Variants in ARL6IP6 observed in about 807,000 individuals in gnomAD.
ARL6IP6 encodes ARF like GTPase 6 interacting protein 6, also known as ADP-ribosylation factor-like protein 6-interacting protein 6.
A neutral mutation model predicts 21.5 loss-of-function variants in ARL6IP6; 22 were observed. The ratio of observed to expected loss-of-function variants is 1.02; its 90% CI spans 0.73 to 1.46. The LOEUF is 1.46. ARL6IP6 is among the 40% of genes most tolerant of loss of function. ARL6IP6 has a pLI of 0.00. For synonymous variants in ARL6IP6, 164 were observed against 125.3 expected (o/e 1.31, Z -2.06); for missense variants, 388 against 299.8 (o/e 1.29, Z -2.17).
At chr2:152,731,079 A>G (rs879641722) in intron 2 of ARL6IP6, among the ~76,000 whole-genome samples, 6 of 152,198 alleles carry the variant, frequency 3.9e-5, no homozygotes, top group Non-Finnish European at 8.8e-5. Context: ...TGTGCATTCA[A>G]GACATATTGT....
At chr2:152,721,221 G>A (rs1303657313) in intron 2 of ARL6IP6, among the ~76,000 whole-genome samples, 2 of 152,098 alleles carry the variant, frequency 1.3e-5, no homozygotes, top group Non-Finnish European at 1.5e-5. Context: ...ATTACCTTCT[G>A]GAAGAGGCTT....
chr2:152,755,158 T>C (rs1010771551), intron 3 of ARL6IP6, among the ~76,000 whole-genome samples: 2 of 152,244 alleles, frequency 1.3e-5, no homozygotes, highest in Non-Finnish European at 2.9e-5. Context: ...TCTTCTGTTA[T>C]GCCTGGCCAG....
intron 2 of ARL6IP6, among the ~76,000 whole-genome samples, chr2:152,726,948 A>G (rs1017440720): frequency 3.3e-5 from 5 of 152,204 alleles, no homozygotes; most frequent in Non-Finnish European, 7.3e-5. Context: ...AGTACATAAC[A>G]TAATTCTTGA....
intron 2 of ARL6IP6, among the ~76,000 whole-genome samples, chr2:152,725,044 C>T (rs1699975493): frequency 6.6e-6 from 1 of 152,100 alleles, no homozygotes; most frequent in South Asian, 2.1e-4. Flanking sequence ...CTCATTGGAC[C>T]ATTTTTCATT....
upstream of ARL6IP6, chr2:152,717,873 G>T (rs1236644050): frequency 2.8e-6 from 3 of 1,059,176 alleles, no homozygotes; most frequent in Non-Finnish European, 3.4e-6. Flanking sequence ...GGGGTAAGCA[G>T]CCTGTAGTGT....
chr2:152,739,311 A>G (rs1266919277), intron 3 of ARL6IP6, among the ~76,000 whole-genome samples: 1 of 152,156 alleles, frequency 6.6e-6, no homozygotes, highest in Non-Finnish European at 1.5e-5. Context: ...AAGAGCACCC[A>G]AGTCAACTCT....
At chr2:152,755,467 A>T (rs1377200821) in intron 3 of ARL6IP6, among the ~76,000 whole-genome samples, 2 of 152,130 alleles carry the variant, frequency 1.3e-5, no homozygotes, top group Non-Finnish European at 2.9e-5. Flanking sequence ...TTCATGTTCC[A>T]TCCTGTACAC....
chr2:152,748,587 T>G (rs1701168715), intron 3 of ARL6IP6, among the ~76,000 whole-genome samples: 1 of 152,242 alleles, frequency 6.6e-6, no homozygotes, highest in Non-Finnish European at 1.5e-5. Context: ...TGCTCATCCC[T>G]TCTCCCTCTG....
At chr2:152,718,427 C>T (rs1003602998), upstream of ARL6IP6, 7 of 692,424 alleles carry the variant, frequency 1.0e-5, no homozygotes, top group Admixed American at 1.3e-4. Flanking sequence ...GGGTCGAGCT[C>T]TGGTCGAAGC....
chr2:152,739,210 C>T (rs1574044433), intron 3 of ARL6IP6, among the ~76,000 whole-genome samples: 1 of 152,138 alleles, frequency 6.6e-6, no homozygotes, highest in Non-Finnish European at 1.5e-5. Context: ...TGGTCTCGAT[C>T]TCCTGACCTC....
At chr2:152,721,777 T>C (rs1354346574) in intron 2 of ARL6IP6, among the ~76,000 whole-genome samples, 4 of 152,342 alleles carry the variant, frequency 2.6e-5, no homozygotes, top group South Asian at 4.1e-4. Flanking sequence ...AAGTATAGTG[T>C]ACCTTATTTC....
At chr2:152,732,709 C>T in intron 2 of ARL6IP6, 1 of 270,336 alleles carries the variant, frequency 3.7e-6, no homozygotes, top group Non-Finnish European at 7.3e-6. Context: ...TTCCAGGACC[C>T]CCTCTGGATA....
intron 3 of ARL6IP6, among the ~76,000 whole-genome samples, chr2:152,736,456 T>G (rs1382828689): frequency 6.6e-6 from 1 of 152,222 alleles, no homozygotes; most frequent in Non-Finnish European, 1.5e-5. Context: ...GCCATCAATA[T>G]CCACCCATTT....
intron 1 of ARL6IP6, chr2:152,719,942 G>T (rs1447268212): frequency 8.4e-6 from 3 of 356,956 alleles, no homozygotes; most frequent in South Asian, 5.0e-5. Context: ...ACCTTACAAT[G>T]CTTGATTTTC....
chr2:152,720,345 C>G (rs1699723612), intron 1 of ARL6IP6, 188 bp from the exon 2 acceptor site: 1 of 624,836 alleles, frequency 1.6e-6, no homozygotes, highest in Non-Finnish European at 2.9e-6. Context: ...GCTGTTGGCT[C>G]CCTTAGTGGT....
chr2:152,749,284 G>A lies in ARL6IP6; in HGVS notation c.588-10463G>A, dbSNP rs116489348. ...AAAAGAAGTCGTTATGTAGGAAGAGGGTAATATCAAGCAGAAACACACACA... is the reference window on the plus strand; with the variant it reads ...AAAAGAAGTCGTTATGTAGGAAGAGAGTAATATCAAGCAGAAACACACACA... On this transcript the variant is annotated intron_variant, in intron 3 of 3. Coordinates refer to ENST00000326446, the MANE Select transcript of ARL6IP6 (RefSeq NM_152522.7). 8.1e-3 allele frequency among the ~76,000 whole-genome samples: 1,196 copies of A among 147,888 alleles called. 4 individuals are homozygous for A. Among genetic ancestry groups the A allele is most frequent in the South Asian group, 0.019 (86 of 4,644 alleles).
intron 3 of ARL6IP6, among the ~76,000 whole-genome samples, chr2:152,744,126 G>A (rs552955160): frequency 1.3e-5 from 2 of 152,168 alleles, no homozygotes; most frequent in Non-Finnish European, 2.9e-5. Flanking sequence ...CTATGTTTAT[G>A]CTAAAAATAT....
intron 3 of ARL6IP6, among the ~76,000 whole-genome samples, chr2:152,747,823 G>A (rs1163626604): frequency 6.6e-6 from 1 of 151,950 alleles, no homozygotes; most frequent in Admixed American, 6.6e-5. Context: ...CACCCGCCTT[G>A]GCCTCCCAAA....
rs182275100 is a variant in ARL6IP6 at position 152,761,688 on chromosome 2, A to G, written c.*1848A>G. Among the ~76,000 whole-genome samples the G allele has an allele frequency of 5.2e-3, 793 of 152,244 alleles. 2 individuals carry two copies. Among genetic ancestry groups the G allele is most frequent in the Non-Finnish European group, 9.4e-3 (638 of 68,018 alleles). On this transcript the variant is annotated 3_prime_UTR_variant, in exon 4 of 4. Coordinates refer to ENST00000326446, the MANE Select transcript of ARL6IP6 (RefSeq NM_152522.7). The stretch of plus-strand genomic sequence containing the variant: ...CTGTTTAGATACACAAATATTTACC[A>G]TTGTGTTACAGTTGCCTGCAATATT...
Sources: gnomAD v4.1 joint callset for allele counts (sites outside exome capture counted in the v4.1 genomes callset) on GRCh38, gnomAD v4.1.1 for gene constraint, MANE v1.5 for transcripts, NCBI Gene and HGNC (gene_info 2026-07-23, HGNC 2026-07-21) for gene names.